STK32B: variants seen among roughly 807,000 people sequenced by gnomAD.
STK32B encodes the protein serine/threonine kinase 32B, also known as serine/threonine-protein kinase 32B.
In STK32B, 43 loss-of-function variants were observed where a neutral mutation model predicts 52.6. The ratio of observed to expected loss-of-function variants is 0.82; its 90% CI spans 0.64 to 1.05. STK32B has a LOEUF of 1.05. Ranked by LOEUF, STK32B falls within the 50% of genes least tolerant of loss-of-function variation. STK32B has a pLI of 0.00. For missense variants in STK32B, 621 were observed against 534.6 expected (o/e 1.16, Z -1.59); for synonymous variants, 238 against 204.3 (o/e 1.17, Z -1.41).
At chr4:5,157,577 C>T (rs890013031) in intron 2 of STK32B, among the ~76,000 whole-genome samples, 1 of 152,126 alleles carries the variant, frequency 6.6e-6, no homozygotes, top group East Asian at 1.9e-4. Flanking sequence ...AAAAGGTCAT[C>T]ACAGACCAAA....
At chr4:5,431,872 C>G (rs566150654) in intron 6 of STK32B, among the ~76,000 whole-genome samples, 1 of 152,230 alleles carries the variant, frequency 6.6e-6, no homozygotes, top group East Asian at 1.9e-4. Flanking sequence ...ATAAATTACC[C>G]CCCAAAGGAT....
At chr4:5,043,425 G>A in the STK32B span, among the ~76,000 whole-genome samples, 6 of 152,164 alleles carry the variant, frequency 3.9e-5, no homozygotes, top group African/African-American at 1.4e-4. Context: ...TGTGCATATA[G>A]TTTTGCTTAT....
intron 1 of STK32B, among the ~76,000 whole-genome samples, chr4:5,071,119 C>T (rs185848185): frequency 1.1e-4 from 17 of 152,174 alleles, no homozygotes; most frequent in Admixed American, 3.3e-4. Flanking sequence ...TAGTAGAAGA[C>T]GAGGAGACAC....
intron 1 of STK32B, among the ~76,000 whole-genome samples, chr4:5,122,508 CTCAT>C (rs1486827803): frequency 4.6e-5 from 7 of 152,118 alleles, no homozygotes; most frequent in South Asian, 2.1e-4. Context: ...CACTCATTTA[CTCAT>C]TCATTCACTT....
chr4:5,163,685 CTT>C (rs1445216340), intron 2 of STK32B, among the ~76,000 whole-genome samples: 2 of 152,178 alleles, frequency 1.3e-5, no homozygotes, highest in East Asian at 3.9e-4. Context: ...GGCTTTAAGT[CTT>C]TGATTTTTCA....
At chr4:5,352,738 G>A (rs1733916096) in intron 4 of STK32B, among the ~76,000 whole-genome samples, 2 of 139,298 alleles carry the variant, frequency 1.4e-5, no homozygotes, top group African/African-American at 2.8e-5. Flanking sequence ...CTGATAAATC[G>A]AGTAAAGTGG....
chr4:5,457,212 C>CTTTT (rs1230307057), intron 8 of STK32B, among the ~76,000 whole-genome samples: 2 of 114,932 alleles, frequency 1.7e-5, no homozygotes, highest in African/African-American at 3.3e-5. Flanking sequence ...TTTTTTTTTT[C>CTTTT]TTTTTTTTTT....
intron 6 of STK32B, among the ~76,000 whole-genome samples, chr4:5,439,660 A>G (rs917099870): frequency 1.3e-5 from 2 of 152,266 alleles, no homozygotes; most frequent in East Asian, 3.9e-4. Flanking sequence ...TTGCTGTTTT[A>G]GACATGAAGT....
At chr4:5,439,013 T>C (rs903250091) in intron 6 of STK32B, among the ~76,000 whole-genome samples, 2 of 151,604 alleles carry the variant, frequency 1.3e-5, no homozygotes, top group African/African-American at 4.9e-5. Context: ...TGTTGGACAT[T>C]TGGGTTGGTT....
chr4:5,253,345 C>T (rs1418478518), intron 3 of STK32B, among the ~76,000 whole-genome samples: 3 of 152,112 alleles, frequency 2.0e-5, no homozygotes, highest in Non-Finnish European at 2.9e-5. Flanking sequence ...TCTGAAATTT[C>T]CAGAATCTAG....
At chr4:5,376,376 C>T (rs1251735003) in intron 4 of STK32B, among the ~76,000 whole-genome samples, 1 of 152,070 alleles carries the variant, frequency 6.6e-6, no homozygotes. Context: ...AAATATCTAC[C>T]TGCCAGGACA....
chr4:5,391,600 G>T (rs529569607), intron 4 of STK32B, among the ~76,000 whole-genome samples: 1 of 152,308 alleles, frequency 6.6e-6, no homozygotes, highest in African/African-American at 2.4e-5. Flanking sequence ...GGGAAAGACC[G>T]AGGCACCCAG....
chr4:5,214,319 C>G (rs950122257), intron 3 of STK32B: 1 of 152,426 alleles, frequency 6.6e-6, no homozygotes, highest in Non-Finnish European at 1.5e-5. Flanking sequence ...GAGGCCTCCC[C>G]AGCCATGCCT....
chr4:5,155,233 A>G (rs1717717032), intron 2 of STK32B, among the ~76,000 whole-genome samples: 1 of 151,870 alleles, frequency 6.6e-6, no homozygotes, highest in Non-Finnish European at 1.5e-5. Flanking sequence ...CTTCGTCTCC[A>G]CCTCAACCTT....
intron 11 of STK32B, among the ~76,000 whole-genome samples, chr4:5,475,371 G>A (rs1323147569): frequency 7.2e-6 from 1 of 139,190 alleles, no homozygotes; most frequent in Non-Finnish European, 1.5e-5. Flanking sequence ...GTTGCAGTGA[G>A]CCGAGATCAC....
chr4:5,026,482 G>A, the STK32B span, among the ~76,000 whole-genome samples: 1 of 152,164 alleles, frequency 6.6e-6, no homozygotes, highest in Non-Finnish European at 1.5e-5. Flanking sequence ...CGAGCAAAGG[G>A]GGAATCCCCT....
intron 6 of STK32B, among the ~76,000 whole-genome samples, chr4:5,443,845 T>A (rs1013099904): frequency 3.9e-5 from 6 of 152,130 alleles, no homozygotes; most frequent in African/African-American, 1.2e-4. Context: ...TGCAGGTCTG[T>A]TGGAATACCC....
chr4:5,366,036 G>A (rs1734854975), intron 4 of STK32B, among the ~76,000 whole-genome samples: 1 of 152,150 alleles, frequency 6.6e-6, no homozygotes, highest in Admixed American at 6.5e-5. Context: ...ATTTATTTCT[G>A]TAGGATGCAT....
At chr4:5,315,230 C>G (rs997482856) in intron 3 of STK32B, among the ~76,000 whole-genome samples, 21 of 131,978 alleles carry the variant, frequency 1.6e-4, no homozygotes, top group African/African-American at 6.7e-4. Flanking sequence ...CATCTTCCTT[C>G]TCCATTAGTG....
Sources: allele counts gnomAD v4.1 joint callset (sites outside exome capture counted in the v4.1 genomes callset), GRCh38; gene constraint gnomAD v4.1.1; transcripts MANE v1.5; gene names NCBI Gene and HGNC (gene_info 2026-07-23, HGNC 2026-07-21).